Variants in GNA14 observed in about 807,000 individuals in gnomAD.
GNA14 encodes G protein subunit alpha 14, also known as guanine nucleotide-binding protein subunit alpha-14.
Under a neutral mutation model 42.0 loss-of-function variants are expected in GNA14, and 50 were observed. The ratio of observed to expected loss-of-function variants is 1.19; its 90% CI spans 0.95 to 1.51. GNA14 has a LOEUF of 1.51. Ranked by LOEUF, GNA14 falls within the 40% of genes most tolerant of loss-of-function variation. The pLI is 0.00. For missense variants in GNA14, 473 were observed against 446.2 expected, an observed-to-expected ratio of 1.06 and a Z score of -0.54; for synonymous variants, 173 against 163.1, an observed-to-expected ratio of 1.06 and a Z score of -0.46.
At chr9:77,490,932 C>A (rs1004140564) in intron 2 of GNA14, among the ~76,000 whole-genome samples, 1 of 152,178 alleles carries the variant, frequency 6.6e-6, no homozygotes, top group African/African-American at 2.4e-5. Flanking sequence ...ACTGCCAGCA[C>A]GCTGTCACGT....
At chr9:77,483,002 T>C (rs1462012602) in intron 2 of GNA14, among the ~76,000 whole-genome samples, 1 of 152,170 alleles carries the variant, frequency 6.6e-6, no homozygotes, top group East Asian at 1.9e-4. Context: ...TGGTTTGAAT[T>C]TCCTTCTGTA....
At chr9:77,532,723 T>C (rs893305907) in intron 1 of GNA14, among the ~76,000 whole-genome samples, 1 of 152,232 alleles carries the variant, frequency 6.6e-6, no homozygotes, top group Non-Finnish European at 1.5e-5. Flanking sequence ...TTTGTTTCAG[T>C]AGCATGCGTC....
intron 1 of GNA14, among the ~76,000 whole-genome samples, chr9:77,562,764 T>C (rs751352505): frequency 3.3e-5 from 5 of 152,254 alleles, no homozygotes; most frequent in Admixed American, 2.0e-4. Context: ...AATAACTTTA[T>C]GTTTAAAATT....
intron 2 of GNA14, among the ~76,000 whole-genome samples, chr9:77,444,194 G>T (rs1247037207): frequency 6.6e-6 from 1 of 152,212 alleles, no homozygotes. Flanking sequence ...GGCCACAGAA[G>T]AAATGGAAAG....
chr9:77,623,219 A>AAAAAAAAAAAAAAAAAAAAAAAAAG (rs1823958507), intron 1 of GNA14, among the ~76,000 whole-genome samples: 1 of 93,636 alleles, frequency 1.1e-5, no homozygotes, highest in Non-Finnish European at 1.8e-5. Context: ...GCTGTCTCAA[A>AAAAAAAAAAAAAAAAAAAAAAAAAG]AAAAAAAAAA....
chr9:77,603,690 G>T (rs993720362), intron 1 of GNA14, among the ~76,000 whole-genome samples: 2 of 152,050 alleles, frequency 1.3e-5, no homozygotes, highest in African/African-American at 4.8e-5. Context: ...GAGAGGCCGG[G>T]CACAGTGGCT....
At chr9:77,515,960 C>CAAAAAAAAAAAAAAAAAAAAAAAA (rs1158448237) in intron 2 of GNA14, among the ~76,000 whole-genome samples, 2 of 52,738 alleles carry the variant, frequency 3.8e-5, no homozygotes, top group South Asian at 1.0e-3. Flanking sequence ...CCCTGTCTCA[C>CAAAAAAAAAAAAAAAAAAAAAAAA]AAAAAAAAAA....
At chr9:77,428,826 T>C (rs568104786) in intron 5 of GNA14, 81 bp downstream of exon 5, 77 of 1,436,420 alleles carry the variant, frequency 5.4e-5, no homozygotes, top group Non-Finnish European at 7.0e-5. Context: ...CGAGGGTCTA[T>C]TTCCTGACCC....
intron 2 of GNA14, among the ~76,000 whole-genome samples, chr9:77,439,259 C>A (rs1835687595): frequency 2.0e-5 from 3 of 152,104 alleles, no homozygotes; most frequent in Admixed American, 1.3e-4. Context: ...TACCCTGTTA[C>A]CTTTATTTAA....
Position 77,535,564 on chromosome 9 carries a change from A to T in GNA14, c.125-6311T>A, listed in dbSNP as rs529270391. On this transcript the variant is annotated intron_variant, in intron 1 of 6. Coordinates refer to ENST00000341700, the MANE Select transcript of GNA14 (RefSeq NM_004297.4). ...CTCTGTCTAGGAAAACAAAAACAAA[A>T]AACAAAAAAGATACTGATTTATGAG... Among the ~76,000 whole-genome samples, 6 of 152,208 alleles carry T rather than the reference A, an allele frequency of 3.9e-5. No homozygotes were observed. In the East Asian group the frequency reaches 1.2e-3, roughly 29 times the overall value.
intron 2 of GNA14, among the ~76,000 whole-genome samples, chr9:77,522,978 T>C (rs1412025316): frequency 6.6e-6 from 1 of 152,178 alleles, no homozygotes; most frequent in Non-Finnish European, 1.5e-5. Flanking sequence ...TTAAGAGTGG[T>C]GGTTGACTGG....
intron 1 of GNA14, among the ~76,000 whole-genome samples, chr9:77,639,497 A>G (rs1204048837): frequency 6.6e-6 from 1 of 152,212 alleles, no homozygotes; most frequent in Non-Finnish European, 1.5e-5. Context: ...GCTGTGTCAC[A>G]CTGCCTCCCC....
intron 1 of GNA14, among the ~76,000 whole-genome samples, chr9:77,574,128 G>T (rs1272650375): frequency 6.6e-6 from 1 of 152,114 alleles, no homozygotes; most frequent in African/African-American, 2.4e-5. Context: ...AACATAGCAA[G>T]AGCCTGTCTC....
chr9:77,539,504 G>C (rs1346119149), intron 1 of GNA14, among the ~76,000 whole-genome samples: 1 of 152,168 alleles, frequency 6.6e-6, no homozygotes, highest in African/African-American at 2.4e-5. Context: ...TTTGGTATCA[G>C]GGTAATGCTG....
intron 1 of GNA14, among the ~76,000 whole-genome samples, chr9:77,590,249 A>G (rs1468554990): frequency 6.6e-6 from 1 of 152,082 alleles, no homozygotes; most frequent in African/African-American, 2.4e-5. Context: ...AAAACTCCCC[A>G]TCATTTTCCT....
intron 2 of GNA14, among the ~76,000 whole-genome samples, chr9:77,464,327 A>G (rs1190696015): frequency 6.9e-6 from 1 of 145,540 alleles, no homozygotes; most frequent in East Asian, 2.1e-4. Context: ...GTGTGTGTAT[A>G]TATATGTGTG....
chr9:77,484,572 T>C (rs1836623144), intron 2 of GNA14, among the ~76,000 whole-genome samples: 2 of 152,180 alleles, frequency 1.3e-5, no homozygotes, highest in African/African-American at 4.8e-5. Flanking sequence ...TGTGGTAGTA[T>C]GAATCAGGGA....
chr9:77,631,985 C>T lies in GNA14; in HGVS notation c.124+15685G>A, dbSNP rs1433725704. ...AAACTGCAGCTGCAGACCCAGGCAT[C>T]CCTGTGCTCTCAGGGCTCAGGAGCA... On this transcript the variant is annotated intron_variant, in intron 1 of 6. Transcript: ENST00000341700. Among the ~76,000 whole-genome samples the T allele has an allele frequency of 2.0e-5, 3 of 152,172 alleles. No homozygotes were observed. In the East Asian group the frequency reaches 5.8e-4, roughly 29 times the overall value.
chr9:77,637,767 T>C (rs1236835873), intron 1 of GNA14, among the ~76,000 whole-genome samples: 1 of 152,174 alleles, frequency 6.6e-6, no homozygotes, highest in East Asian at 1.9e-4. Flanking sequence ...GGTGGAAGGA[T>C]TGCTTGAGCC....
Sources: gnomAD v4.1 joint callset for allele counts (sites outside exome capture counted in the v4.1 genomes callset) on GRCh38, gnomAD v4.1.1 for gene constraint, MANE v1.5 for transcripts, NCBI Gene and HGNC (gene_info 2026-07-23, HGNC 2026-07-21) for gene names.